Variants in DBF4B observed in about 807,000 individuals in gnomAD.
The protein encoded by DBF4B is protein DBF4 homolog B.
A neutral mutation model predicts 53.4 loss-of-function variants in DBF4B; 49 were observed. The ratio of observed to expected loss-of-function variants is 0.92; its 90% CI spans 0.73 to 1.16. The LOEUF (loss-of-function observed/expected upper bound fraction) is 1.16. Ranked by LOEUF, DBF4B falls within the 50% of genes most tolerant of loss-of-function variation. DBF4B has a pLI of 0.00. For missense variants in DBF4B, 692 were observed against 775.0 expected, an observed-to-expected ratio of 0.89 and a Z score of 1.27; for synonymous variants, 257 against 288.7, an observed-to-expected ratio of 0.89 and a Z score of 1.11.
chr17:44,720,242 C>A, intron 2 of DBF4B: 1 of 331,022 alleles, frequency 3.0e-6, no homozygotes. Flanking sequence ...GCTTTAGAGG[C>A]ACATCTTCAG....
chr17:44,747,309 G>A (rs2049130409), intron 11 of DBF4B, 82 bp from the exon 12 acceptor site: 1 of 1,600,206 alleles, frequency 6.2e-7, no homozygotes, highest in African/African-American at 1.3e-5. Flanking sequence ...CAGGGCCAGA[G>A]CATGGGCTGG....
Position 44,742,912 on chromosome 17 carries a change from A to G in DBF4B, c.830+1460A>G, listed in dbSNP as rs1320160078. Among the ~76,000 whole-genome samples, 5 of 152,210 alleles carry G rather than the reference A, an allele frequency of 3.3e-5. No individual in the cohort carries two copies. In the East Asian group the frequency reaches 9.6e-4, roughly 29 times the overall value. On this transcript the variant is annotated intron_variant, in intron 10 of 13. Coordinates refer to ENST00000315005, the MANE Select transcript of DBF4B (RefSeq NM_145663.3). ...CCTCTGGGCTGTGGGGTTATAGACC[A>G]GGAGAGAACAGAGCAGACTCTCAGC...
intron 13 of DBF4B, chr17:44,750,247 G>A: frequency 2.9e-6 from 3 of 1,039,754 alleles, no homozygotes; most frequent in Non-Finnish European, 3.5e-6. Context: ...CGATTCTCTG[G>A]CCACTTTTTC....
chr17:44,743,697 G>A (rs979385449), intron 10 of DBF4B, among the ~76,000 whole-genome samples: 3 of 141,750 alleles, frequency 2.1e-5, no homozygotes, highest in African/African-American at 5.3e-5. Context: ...TGCAACCTCC[G>A]CCTCCCAGGT....
At chr17:44,730,928 C>A in intron 4 of DBF4B, 37 bp from the exon 5 acceptor site, 1 of 1,612,104 alleles carries the variant, frequency 6.2e-7, no homozygotes. Flanking sequence ...CACAGGTGGC[C>A]TAACAGCAGA....
rs951885616 is a variant in DBF4B at position 44,749,609 on chromosome 17, C to A, written c.1190-986C>A. On this transcript the variant is annotated intron_variant, in intron 13 of 13. Coordinates refer to ENST00000315005, the MANE Select transcript of DBF4B (RefSeq NM_145663.3). The surrounding 1 kb of genome is among the most constrained non-coding windows in gnomAD (Gnocchi z 4.4). ...GGCTGCCCTCTCCTACCCCTGCCTC[C>A]TGCCATGTTCCTGACCAGGCAGAGT... is the stretch of plus-strand genomic sequence containing the variant. The A allele has an allele frequency of 1.0e-5, 12 of 1,188,198 alleles. No individual in the cohort carries two copies. The highest frequency in any genetic ancestry group is 1.2e-5 in the Non-Finnish European group (11 of 940,792). 73.6% of individuals were successfully genotyped at this position (1,188,198 alleles called of 1,614,324 possible).
At chr17:44,708,970 C>A in intron 1 of DBF4B, 131 bp downstream of exon 1, 1 of 1,315,736 alleles carries the variant, frequency 7.6e-7, no homozygotes, top group Non-Finnish European at 1.0e-6. Flanking sequence ...GGTATAGGGG[C>A]CGGGAAGGAG....
chr17:44,708,996 G>A (rs1972621499), intron 1 of DBF4B, 157 bp downstream of exon 1: 1 of 1,043,162 alleles, frequency 9.6e-7, no homozygotes, highest in Non-Finnish European at 1.4e-6. Context: ...GGAGTTGAGG[G>A]GACCGAGGAA....
At position 44,729,726 on chromosome 17, in the gene DBF4B, A is replaced by ACC. The variant is rs71361593; in HGVS notation, c.226-176_226-175dup. Among the ~76,000 whole-genome samples the ACC allele has an allele frequency of 1.9e-3, 272 of 144,264 alleles. 3 individuals are homozygous for ACC. The highest frequency in any genetic ancestry group is 2.6e-3 in the Non-Finnish European group (169 of 65,926). The allele number at this position is 144,264 out of a possible 152,430, so 94.6% of individuals were successfully genotyped here. A position where few individuals can be genotyped will look rare whatever the true frequency, so the allele number is the denominator to read the frequency against. On this transcript the variant is annotated intron_variant, in intron 3 of 13. Coordinates refer to ENST00000315005, the MANE Select transcript of DBF4B (RefSeq NM_145663.3). ...CACACACACACACACACACACACAC[A>ACC]CCCCATTAGATTTCAGGATGATGTC... is the stretch of plus-strand genomic sequence containing the variant.
In DBF4B at chr17:44,750,072, T is replaced by G. The variant is rs1164422457; in HGVS notation, c.1190-523T>G. 1.8e-5 allele frequency: 18 copies of G among 999,216 alleles called. No individual in the cohort carries two copies. In the African/African-American group the frequency reaches 2.4e-4, roughly 14 times the overall value. The allele number at this position is 999,216 out of a possible 1,614,324, so 61.9% of individuals were successfully genotyped here. ...CCCCTCTCGCCCCTTCTCTGCCTCC[T>G]CAGCTTGAGCTGCCTGCCCGAAGTT... is the stretch of plus-strand genomic sequence containing the variant. On this transcript the variant is annotated intron_variant, in intron 13 of 13. Transcript: ENST00000315005.
chr17:44,728,725 G>C (rs1974567519), intron 3 of DBF4B, among the ~76,000 whole-genome samples: 1 of 151,894 alleles, frequency 6.6e-6, no homozygotes, highest in Non-Finnish European at 1.5e-5. Context: ...GCTGATGTAG[G>C]AGAATTGCTT....
Position 44,750,821 on chromosome 17 carries a change from C to G in DBF4B, c.1416C>G (p.Asp472Glu). 6.2e-7 allele frequency: 1 copy of G among 1,614,122 alleles called. No homozygotes were observed. Among genetic ancestry groups the G allele is most frequent in the Non-Finnish European group, 8.5e-7 (1 of 1,180,038 alleles). ...CTGGGGAGTGGTCGCCTGCAGAGGA[C>G]ATGCCCCTCCATCCCTCCCAAGAAA... is the stretch of plus-strand genomic sequence containing the variant. ...LLPGEWSPAE[D>E]MPLHPSQENS... Residue 472 changes from aspartate to glutamate, a missense_variant, in exon 14 of 14, where the codon GAC becomes GAG. Coordinates refer to ENST00000315005, the MANE Select transcript of DBF4B (RefSeq NM_145663.3).
rs565804913 is a variant in DBF4B, at chr17:44,708,917, G to A, written c.19+78G>A. ...GAGGCGAGGTGCGGAGTCGTGGAGG[G>A]GGCTTAGGAAGTGACCAGCGGGTAG... On this transcript the variant is annotated intron_variant, in intron 1 of 13. Transcript: ENST00000315005. The A allele has an allele frequency of 3.9e-6, 6 of 1,533,016 alleles. No homozygotes were observed. In the Admixed American group the frequency reaches 1.0e-4, roughly 26 times the overall value. 95.0% of individuals were successfully genotyped at this position (1,533,016 alleles called of 1,614,324 possible). A position where few individuals can be genotyped will look rare whatever the true frequency, so the allele number is the denominator to read the frequency against.
At chr17:44,723,423 C>T (rs1974026948) in intron 3 of DBF4B, among the ~76,000 whole-genome samples, 1 of 151,986 alleles carries the variant, frequency 6.6e-6, no homozygotes, top group African/African-American at 2.4e-5. Flanking sequence ...GTATTTTCAG[C>T]GGTCTCACTA....
At chr17:44,731,982 T>C (rs1974877363) in intron 5 of DBF4B, 196 bp from the exon 6 acceptor site, 1 of 571,574 alleles carries the variant, frequency 1.7e-6, no homozygotes, top group Non-Finnish European at 3.1e-6. Context: ...TCTCCCAATG[T>C]GGCCATGTGG....
rs757696243 is a variant in DBF4B, at chr17:44,751,261, C to G, written c.*8C>G. On this transcript the variant is annotated 3_prime_UTR_variant, in exon 14 of 14. Transcript: ENST00000315005. ...GCTGTAGACTCAGGTTAGAGGTGAACCCAGAACACCTGAGACTTGACCCAG... is the reference window on the plus strand; with the variant it reads ...GCTGTAGACTCAGGTTAGAGGTGAAGCCAGAACACCTGAGACTTGACCCAG... The G allele has an allele frequency of 3.7e-6, 6 of 1,608,138 alleles. No homozygotes were observed. In the Admixed American group the frequency reaches 1.0e-4, roughly 27 times the overall value.
intron 3 of DBF4B, among the ~76,000 whole-genome samples, chr17:44,727,438 A>G (rs1430953267): frequency 2.0e-5 from 3 of 152,112 alleles, no homozygotes; most frequent in Non-Finnish European, 4.4e-5. Context: ...AAAAAAAGAA[A>G]ACAGCATGAT....
chr17:44,732,338 G>A (rs1974913078), intron 6 of DBF4B, 73 bp downstream of exon 6: 2 of 1,506,454 alleles, frequency 1.3e-6, no homozygotes, highest in Admixed American at 3.6e-5. Context: ...CTTTTAGAAG[G>A]ATCATGGTCA....
chr17:44,730,843 C>G (rs1297147586), intron 4 of DBF4B, 122 bp from the exon 5 acceptor site: 9 of 965,392 alleles, frequency 9.3e-6, no homozygotes, highest in African/African-American at 1.6e-5. Context: ...TCAGTTGTCA[C>G]TGCTCCCAGC....
Sources: gnomAD v4.1 joint callset for allele counts (sites outside exome capture counted in the v4.1 genomes callset) on GRCh38, gnomAD v4.1.1 for gene constraint, Gnocchi (gnomAD v3.1) non-coding constraint, MANE v1.5 for transcripts, NCBI Gene and HGNC (gene_info 2026-07-23, HGNC 2026-07-21) for gene names.